Variants in MAGI2 observed in about 807,000 individuals in gnomAD.
The protein encoded by MAGI2 is membrane-associated guanylate kinase, WW and PDZ domain-containing protein 2.
MAGI2 carries 35 observed loss-of-function variants against 133.3 expected under a neutral mutation model. The observed-to-expected ratio is 0.26, with a 90% CI of 0.20 to 0.35. The LOEUF is 0.35. Ranked by LOEUF, MAGI2 falls within the 10% of genes least tolerant of loss-of-function variation. MAGI2 has a pLI of 1.00. For missense variants in MAGI2, 1,636 were observed against 1,863.4 expected, an observed-to-expected ratio of 0.88 and a Z score of 2.25; for synonymous variants, 729 against 710.6, an observed-to-expected ratio of 1.03 and a Z score of -0.41.
chr7:78,787,421 A>G (rs1826927629), intron 2 of MAGI2, among the ~76,000 whole-genome samples: 1 of 152,184 alleles, frequency 6.6e-6, no homozygotes, highest in Non-Finnish European at 1.5e-5. Flanking sequence ...CAGGGTACAC[A>G]TGAGAAAATA....
At chr7:78,853,343 T>C (rs1457921152) in intron 2 of MAGI2, among the ~76,000 whole-genome samples, 4 of 73,684 alleles carry the variant, frequency 5.4e-5, no homozygotes, top group African/African-American at 1.6e-4. Flanking sequence ...TTTTTTTTTT[T>C]TTTTTTTTTT....
intron 1 of MAGI2, among the ~76,000 whole-genome samples, chr7:79,252,215 T>G (rs941461700): frequency 6.8e-6 from 1 of 146,396 alleles, no homozygotes; most frequent in African/African-American, 2.5e-5. Flanking sequence ...ATGTGGTATA[T>G]ATACATGATG....
intron 3 of MAGI2, among the ~76,000 whole-genome samples, chr7:78,607,243 T>A (rs1805912487): frequency 6.6e-6 from 1 of 152,124 alleles, no homozygotes; most frequent in African/African-American, 2.4e-5. Context: ...TTCTGGCTGC[T>A]AGGGGGCAGT....
chr7:78,948,212 T>C (rs1485357305), intron 2 of MAGI2, among the ~76,000 whole-genome samples: 1 of 152,092 alleles, frequency 6.6e-6, no homozygotes, highest in Non-Finnish European at 1.5e-5. Context: ...TTTGAACACC[T>C]GAGTCACTTC....
intron 10 of MAGI2, among the ~76,000 whole-genome samples, chr7:78,241,625 A>T (rs1791146154): frequency 6.6e-6 from 1 of 152,196 alleles, no homozygotes; most frequent in African/African-American, 2.4e-5. Context: ...TCACATCACT[A>T]TATCATGTTA....
At chr7:78,266,325 C>A (rs530011187) in intron 9 of MAGI2, among the ~76,000 whole-genome samples, 2 of 152,082 alleles carry the variant, frequency 1.3e-5, no homozygotes, top group Admixed American at 6.6e-5. Context: ...CTCAGCTCCC[C>A]GAGGAGCTGG....
chr7:78,969,073 C>T (rs1347190226), intron 2 of MAGI2, among the ~76,000 whole-genome samples: 2 of 152,192 alleles, frequency 1.3e-5, no homozygotes, highest in South Asian at 2.1e-4. Context: ...AAGCCAGGTA[C>T]ATTCAATATG....
At chr7:79,081,361 T>C (rs967664856) in intron 1 of MAGI2, among the ~76,000 whole-genome samples, 4 of 152,204 alleles carry the variant, frequency 2.6e-5, no homozygotes, top group African/African-American at 9.6e-5. Flanking sequence ...TTGCAGTGTT[T>C]ATTTATGCCT....
At chr7:79,071,986 G>A (rs1056833424) in intron 1 of MAGI2, among the ~76,000 whole-genome samples, 3 of 152,144 alleles carry the variant, frequency 2.0e-5, no homozygotes, top group African/African-American at 7.2e-5. Context: ...CAGTATCTGG[G>A]CTAGAGTGCA....
At chr7:79,327,264 A>G (rs1249943213) in intron 1 of MAGI2, among the ~76,000 whole-genome samples, 1 of 152,188 alleles carries the variant, frequency 6.6e-6, no homozygotes, top group Non-Finnish European at 1.5e-5. Flanking sequence ...CGTGTTTGAT[A>G]GTATTCTTCT....
intron 21 of MAGI2, chr7:78,078,670 C>T (rs1234471800): frequency 5.3e-6 from 3 of 560,918 alleles, no homozygotes; most frequent in East Asian, 3.1e-5. Flanking sequence ...TCCTCGCACA[C>T]TCACAGATGC....
intron 2 of MAGI2, among the ~76,000 whole-genome samples, chr7:78,865,837 A>G (rs1224496021): frequency 1.3e-5 from 2 of 152,170 alleles, no homozygotes; most frequent in Admixed American, 6.5e-5. Flanking sequence ...AAACAAAACT[A>G]TTATAGTCAG....
chr7:79,183,570 A>T (rs541954263), intron 1 of MAGI2, among the ~76,000 whole-genome samples: 1 of 151,900 alleles, frequency 6.6e-6, no homozygotes, highest in Non-Finnish European at 1.5e-5. Context: ...GTCTGCAGCT[A>T]GATCTTTTAT....
chr7:79,033,386 G>C (rs1485777927), intron 1 of MAGI2, among the ~76,000 whole-genome samples: 1 of 152,020 alleles, frequency 6.6e-6, no homozygotes, highest in East Asian at 1.9e-4. Context: ...CTTTTTGTTT[G>C]TTTTCTTTGA....
intron 2 of MAGI2, among the ~76,000 whole-genome samples, chr7:78,775,040 G>A (rs1419197929): frequency 2.6e-5 from 4 of 151,890 alleles, no homozygotes; most frequent in East Asian, 1.9e-4. Flanking sequence ...AGGGCCGGGC[G>A]CAGTGGCTCA....
intron 2 of MAGI2, among the ~76,000 whole-genome samples, chr7:78,874,022 T>C (rs866069647): frequency 6.6e-6 from 1 of 152,150 alleles, no homozygotes; most frequent in South Asian, 2.1e-4. Context: ...TGGCTGTTGA[T>C]AAAAACTACA....
chr7:78,749,337 C>T (rs1823233686), intron 2 of MAGI2, among the ~76,000 whole-genome samples: 1 of 152,052 alleles, frequency 6.6e-6, no homozygotes, highest in African/African-American at 2.4e-5. Context: ...TTAAAGAGAC[C>T]ATAACAGGCA....
At chr7:78,696,132 G>A (rs1225179667) in intron 2 of MAGI2, among the ~76,000 whole-genome samples, 1 of 152,014 alleles carries the variant, frequency 6.6e-6, no homozygotes, top group Non-Finnish European at 1.5e-5. Flanking sequence ...TAGAAAGAGG[G>A]TCTTGCCATC....
chr7:78,634,493 G>T (rs1809415367), intron 2 of MAGI2, among the ~76,000 whole-genome samples: 1 of 152,154 alleles, frequency 6.6e-6, no homozygotes, highest in Admixed American at 6.5e-5. Context: ...AAAGCAATTG[G>T]AAATCTGTGA....
Sources: gnomAD v4.1 joint callset for allele counts (sites outside exome capture counted in the v4.1 genomes callset) on GRCh38, gnomAD v4.1.1 for gene constraint, MANE v1.5 for transcripts, NCBI Gene and HGNC (gene_info 2026-07-23, HGNC 2026-07-21) for gene names.